PELP1: variants seen among roughly 807,000 people sequenced by gnomAD.
The protein encoded by PELP1 is proline-, glutamic acid- and leucine-rich protein 1.
PELP1 carries 32 observed loss-of-function variants against 95.5 expected under a neutral mutation model. The observed-to-expected ratio is 0.34, with a 90% confidence interval of 0.25 to 0.45. The LOEUF (loss-of-function observed/expected upper bound fraction) is 0.45. Among genes scored for constraint, PELP1 ranks in the 20% least tolerant of loss-of-function variants. The probability of loss-of-function intolerance (pLI) is 1.00; values close to 1 mark genes in which losing one functional copy is unlikely to be tolerated. For synonymous variants in PELP1, 668 were observed against 600.1 expected, an observed-to-expected ratio of 1.11 and a Z score of -1.65; for missense variants, 1,358 against 1,444.8, an observed-to-expected ratio of 0.94 and a Z score of 0.97.
rs1683726976 is a variant in PELP1, at chr17:4,674,676, G to A, written c.1423-7C>T. The A allele has an allele frequency of 4.4e-6, 7 of 1,593,680 alleles. No homozygotes were observed. Among genetic ancestry groups the A allele is most frequent in the Non-Finnish European group, 6.0e-6 (7 of 1,173,240 alleles). Reference sequence around the variant, plus strand: ...TCCCCCGCGGGCTACGCAGCTGGAGGCAGAGAAAACATAAATCACATCCAC... The same window carrying A: ...TCCCCCGCGGGCTACGCAGCTGGAGACAGAGAAAACATAAATCACATCCAC... On this transcript the variant is annotated splice_polypyrimidine_tract_variant and splice_region_variant and intron_variant, in intron 12 of 16. Coordinates refer to ENST00000572293, the MANE Select transcript of PELP1 (RefSeq NM_014389.3).
intron 2 of PELP1, 134 bp from the exon 3 acceptor site, chr17:4,691,127 C>G: frequency 1.4e-6 from 1 of 697,972 alleles, no homozygotes; most frequent in Non-Finnish European, 2.5e-6. Context: ...TCCTGAAATA[C>G]TTGGAATGAG....
In PELP1 at chr17:4,673,072, G is replaced by A; in HGVS notation, c.1919C>T (p.Pro640Leu). ...LTHPRVPPLQ[P>L]MGPTCPTPAP... ...AGGTGTGGGGCAGGTGGGGCCCATG[G>A]GCTGCAGGGGAGGAACCCGGGGGTG... Residue 640 changes from proline to leucine, a missense_variant, in exon 16 of 17, where the codon CCC becomes CTC. Around this residue, in one of 7 missense-constraint regions of PELP1, gnomAD observed 340 missense variants for 322.9 expected, o/e 1.05. Coordinates refer to ENST00000572293, the MANE Select transcript of PELP1 (RefSeq NM_014389.3). This position sits in a 1 kb window ranked among gnomAD's most constrained non-coding sequence, Gnocchi z 5.7. The A allele has an allele frequency of 6.6e-7, 1 of 1,525,912 alleles. No homozygotes were observed. Among genetic ancestry groups the A allele is most frequent in the Non-Finnish European group, 8.8e-7 (1 of 1,139,672 alleles). The allele number at this position is 1,525,912 out of a possible 1,614,324, so 94.5% of individuals were successfully genotyped here.
At chr17:4,677,186 G>C (rs1049662896) in intron 5 of PELP1, among the ~76,000 whole-genome samples, 1 of 152,158 alleles carries the variant, frequency 6.6e-6, no homozygotes, top group African/African-American at 2.4e-5. Flanking sequence ...GAGGGTCCAA[G>C]CTGGAAGTTA....
At chr17:4,698,850 A>G (rs902973157) in intron 1 of PELP1, among the ~76,000 whole-genome samples, 3 of 152,142 alleles carry the variant, frequency 2.0e-5, no homozygotes, top group Non-Finnish European at 2.9e-5. Context: ...ATGATGATAG[A>G]GTATGATTAT....
chr17:4,691,295 G>A (rs753478655), intron 2 of PELP1, 83 bp downstream of exon 2: 23 of 977,298 alleles, frequency 2.4e-5, no homozygotes, highest in Middle Eastern at 2.1e-4. Flanking sequence ...TCCTGGGGAC[G>A]GTGACAATGA....
At chr17:4,693,290 C>T (rs1257878341) in intron 1 of PELP1, among the ~76,000 whole-genome samples, 1 of 152,214 alleles carries the variant, frequency 6.6e-6, no homozygotes, top group Non-Finnish European at 1.5e-5. Flanking sequence ...ACAACCCAAA[C>T]GTCCACCCAC....
intron 3 of PELP1, among the ~76,000 whole-genome samples, chr17:4,686,416 AAT>A (rs1244547194): frequency 6.6e-6 from 1 of 152,164 alleles, no homozygotes; most frequent in Admixed American, 6.5e-5. Context: ...AGCTACTATG[AAT>A]GTTCTCCTAG....
intron 5 of PELP1, among the ~76,000 whole-genome samples, chr17:4,681,608 T>C (rs1435767016): frequency 6.6e-6 from 1 of 151,932 alleles, no homozygotes; most frequent in South Asian, 2.1e-4. Context: ...GAGACCATCC[T>C]GGCCAACATG....
At chr17:4,683,068 C>T in intron 3 of PELP1, 116 bp from the exon 4 acceptor site, 1 of 1,344,120 alleles carries the variant, frequency 7.4e-7, no homozygotes, top group Non-Finnish European at 9.6e-7. Flanking sequence ...GTCTGACCAT[C>T]CAAGCCACTA....
chr17:4,690,002 G>A (rs567812092), intron 3 of PELP1, among the ~76,000 whole-genome samples: 125 of 152,114 alleles, frequency 8.2e-4, no homozygotes, highest in African/African-American at 2.9e-3. Flanking sequence ...CTCCAGCCTG[G>A]GCGACAGAGC....
rs1698357573 is a variant in PELP1, at chr17:4,672,440, C to A, written c.2551G>T (p.Gly851Cys). ...PPPPPPPPVP[G>C]PVTLPPPQLV... ...TGGGGTGGAGGGAGCGTCACAGGAC[C>A]AGGAACAGGCGGCGGCGGAGGTGGG... Residue 851 changes from glycine (G) to cysteine (C), a missense_variant, in exon 16 of 17, where the codon GGT becomes TGT. This residue lies in a region of PELP1 where 340 missense variants were observed against 322.9 expected (regional missense o/e 1.05). Coordinates refer to ENST00000572293, the MANE Select transcript of PELP1 (RefSeq NM_014389.3). 5 of 1,569,586 alleles carry A rather than the reference C, an allele frequency of 3.2e-6. No homozygotes were observed. In the Admixed American group the frequency reaches 9.5e-5, roughly 30 times the overall value.
At chr17:4,681,246 A>G (rs1912673513) in intron 5 of PELP1, among the ~76,000 whole-genome samples, 1 of 152,234 alleles carries the variant, frequency 6.6e-6, no homozygotes, top group African/African-American at 2.4e-5. Flanking sequence ...ACACTTTGGG[A>G]GGCCGAGGCG....
At chr17:4,703,213 G>A (rs545383114) in intron 1 of PELP1, among the ~76,000 whole-genome samples, 17 of 152,194 alleles carry the variant, frequency 1.1e-4, no homozygotes, top group African/African-American at 3.6e-4. Context: ...CCCCAGGAAC[G>A]ATGCCCTTCT....
At chr17:4,695,667 TA>T (rs71147081) in intron 1 of PELP1, among the ~76,000 whole-genome samples, 44,369 of 62,526 alleles carry the variant, frequency 0.71, 17,432 homozygotes, top group East Asian at 0.89. Flanking sequence ...CCCTCTCTCT[TA>T]AAAAAAAAAA....
chr17:4,684,483 T>G (rs997760782), intron 3 of PELP1, among the ~76,000 whole-genome samples: 2 of 152,172 alleles, frequency 1.3e-5, no homozygotes, highest in Non-Finnish European at 2.9e-5. Context: ...AATTTCATCT[T>G]CATCCTACCC....
chr17:4,676,781 AC>A lies in PELP1; in HGVS notation c.673del (p.Val225TrpfsTer4). 3 of 1,570,682 alleles carry A rather than the reference AC, an allele frequency of 1.9e-6. No individual in the cohort carries two copies. Among genetic ancestry groups the A allele is most frequent in the East Asian group, 2.4e-5 (1 of 42,418 alleles). ...TTGGAGCTGAGGGCTCAAGGCATCCACCCTAGACAGAAAAAATGAGGCCAGC... is the reference window on the plus strand; with the variant it reads ...TTGGAGCTGAGGGCTCAAGGCATCCACCTAGACAGAAAAAATGAGGCCAGC... ...GKLASFFLSR[V>X]DALSPQLQQL... On this transcript the variant is annotated frameshift_variant, in exon 6 of 17. Transcript: ENST00000572293. LOFTEE classifies it high-confidence loss of function.
At chr17:4,685,326 T>C (rs1912867997) in intron 3 of PELP1, among the ~76,000 whole-genome samples, 1 of 152,062 alleles carries the variant, frequency 6.6e-6, no homozygotes, top group Non-Finnish European at 1.5e-5. Context: ...GCAATCCCGG[T>C]TATCTTCTTC....
rs1294189415 is a variant in PELP1, at chr17:4,675,542, G to A, written c.1069-180C>T. On this transcript the variant is annotated intron_variant, in intron 9 of 16. Coordinates refer to ENST00000572293, the MANE Select transcript of PELP1 (RefSeq NM_014389.3). The surrounding 1 kb of genome is among the most constrained non-coding windows in gnomAD (Gnocchi z 4.3). ...AAAATAGACCCTGGATGGAAGGTAA[G>A]AAGGATGGCTGGGCCTCTCAGCAAT... The A allele has an allele frequency of 2.8e-6, 2 of 709,942 alleles. No individual in the cohort carries two copies. The highest frequency in any genetic ancestry group is 1.7e-5 in the African/African-American group (1 of 57,494). 44.0% of individuals were successfully genotyped at this position (709,942 alleles called of 1,614,324 possible). A position where few individuals can be genotyped will look rare whatever the true frequency, so the allele number is the denominator to read the frequency against.
intron 5 of PELP1, among the ~76,000 whole-genome samples, chr17:4,680,853 A>C (rs1912658339): frequency 6.6e-6 from 1 of 152,244 alleles, no homozygotes; most frequent in Admixed American, 6.5e-5. Context: ...TGCAAACAAC[A>C]AATGTGCCAA....
Sources: gnomAD v4.1 joint callset for allele counts (sites outside exome capture counted in the v4.1 genomes callset) on GRCh38, gnomAD v4.1.1 for gene constraint, gnomAD v4.1.1 regional missense constraint, Gnocchi (gnomAD v3.1) non-coding constraint, MANE v1.5 for transcripts, NCBI Gene and HGNC (gene_info 2026-07-23, HGNC 2026-07-21) for gene names.